Variants in MRPL35 observed in about 807,000 individuals in gnomAD.
MRPL35 encodes mitochondrial ribosomal protein L35.
MRPL35 carries 18 observed loss-of-function variants against 21.6 expected under a neutral mutation model. That is an observed-to-expected ratio of 0.83 (90% CI 0.58 to 1.24). The LOEUF (loss-of-function observed/expected upper bound fraction) is 1.24. Among genes scored for constraint, MRPL35 ranks in the 50% most tolerant of loss-of-function variants. MRPL35 has a pLI of 0.00. For synonymous variants in MRPL35, 87 were observed against 86.9 expected, an observed-to-expected ratio of 1.00 and a Z score of -0.01; for missense variants, 223 against 223.2, an observed-to-expected ratio of 1.00 and a Z score of 0.01.
Position 86,199,525 on chromosome 2 carries a change from C to G in MRPL35, c.35C>G (p.Ala12Gly). The G allele has an allele frequency of 6.2e-7, 1 of 1,614,152 alleles. No individual in the cohort carries two copies. Among genetic ancestry groups the G allele is most frequent in the Non-Finnish European group, 8.5e-7 (1 of 1,180,032 alleles). Residue 12 changes from alanine to glycine, a missense_variant, in exon 1 of 4, where the codon GCA becomes GGA. Physicochemically the swap from Ala to Gly is moderately conservative, Grantham distance 60 (BLOSUM62 0). Coordinates refer to ENST00000337109, the MANE Select transcript of MRPL35 (RefSeq NM_016622.4). The part of the protein sequence containing the change: ...AASAFAGAVR[A>G]ASGILRPLNI... Reference sequence around the variant, plus strand: ...TCTGCCTTTGCTGGTGCAGTGAGAGCAGCTTCAGGTCAGTGGAGAGCGACA... The same window carrying G: ...TCTGCCTTTGCTGGTGCAGTGAGAGGAGCTTCAGGTCAGTGGAGAGCGACA...
In MRPL35 at chr2:86,212,879, TTATG is replaced by T; in HGVS notation, c.*2215_*2218del. The T allele has an allele frequency of 3.4e-6, 3 of 875,290 alleles. No homozygotes were observed. Among genetic ancestry groups the T allele is most frequent in the Non-Finnish European group, 4.1e-6 (3 of 729,120 alleles). 54.2% of individuals were successfully genotyped at this position (875,290 alleles called of 1,614,324 possible). ...ATTATATGTATAATTTATAAAATAT[TTATG>T]TATAGTTTGTTTATTCAGGTATATG... On this transcript the variant is annotated 3_prime_UTR_variant, in exon 4 of 4. Coordinates refer to ENST00000337109, the MANE Select transcript of MRPL35 (RefSeq NM_016622.4).
In MRPL35 at chr2:86,199,533, G is replaced by A. The variant is rs1207127943; in HGVS notation, c.43G>A (p.Gly15Arg). 2 of 1,614,166 alleles carry A rather than the reference G, an allele frequency of 1.2e-6. No homozygotes were observed. Among genetic ancestry groups the A allele is most frequent in the Non-Finnish European group, 1.7e-6 (2 of 1,180,026 alleles). The change falls in exon 1 of 4, where the codon GGA (glycine) becomes AGA (arginine). Residue 15 changes from glycine (G) to arginine (R), a missense_variant and splice_region_variant. Physicochemically the swap from Gly to Arg is moderately radical, Grantham distance 125. Transcript: ENST00000337109. ...AFAGAVRAASGILRPLNILAS... is the reference protein window; with the variant it reads ...AFAGAVRAASRILRPLNILAS... The stretch of plus-strand genomic sequence containing the variant: ...TGCTGGTGCAGTGAGAGCAGCTTCA[G>A]GTCAGTGGAGAGCGACATACTCCAT...
rs1256485723 is a variant in MRPL35, at chr2:86,213,444, A to G, written c.*2776A>G. The G allele has an allele frequency of 3.8e-6, 5 of 1,302,820 alleles. No homozygotes were observed. Among genetic ancestry groups the G allele is most frequent in the African/African-American group, 1.5e-5 (1 of 65,338 alleles). The allele number at this position is 1,302,820 out of a possible 1,614,324, so 80.7% of individuals were successfully genotyped here. On this transcript the variant is annotated 3_prime_UTR_variant, in exon 4 of 4. Coordinates refer to ENST00000337109, the MANE Select transcript of MRPL35 (RefSeq NM_016622.4). ...TTATTTTACAGTGATTTTGTCAAAC[A>G]TAGAATACAGGACTAAAAATGCAAA...
intron 3 of MRPL35, 81 bp from the exon 4 acceptor site, chr2:86,210,399 G>A: frequency 1.8e-6 from 2 of 1,108,240 alleles, no homozygotes; most frequent in African/African-American, 1.6e-5. Context: ...TTCTTATTGG[G>A]TCTATAAACC....
chr2:86,208,055 T>G (rs1361748784), intron 3 of MRPL35, among the ~76,000 whole-genome samples: 1 of 152,236 alleles, frequency 6.6e-6, no homozygotes, highest in Non-Finnish European at 1.5e-5. Flanking sequence ...AAATAGTTGG[T>G]AGAACTTTCT....
In MRPL35 at chr2:86,212,659, A is replaced by G; in HGVS notation, c.*1991A>G. 3 of 1,280,330 alleles carry G rather than the reference A, an allele frequency of 2.3e-6. No homozygotes were observed. The highest frequency in any genetic ancestry group is 9.9e-7 in the Non-Finnish European group (1 of 1,013,802). The allele number at this position is 1,280,330 out of a possible 1,614,324, so 79.3% of individuals were successfully genotyped here. ...CTCTAGACCAGGGACAGGTGTAGAG[A>G]TAAGGACTGGCAACCAGAGCCTCAG... On this transcript the variant is annotated 3_prime_UTR_variant, in exon 4 of 4. Transcript: ENST00000337109.
Position 86,213,126 on chromosome 2 carries a change from C to G in MRPL35, c.*2458C>G, listed in dbSNP as rs947525466. The G allele has an allele frequency of 1.0e-6, 1 of 986,020 alleles. No individual in the cohort carries two copies. Among genetic ancestry groups the G allele is most frequent in the Non-Finnish European group, 1.2e-6 (1 of 830,348 alleles). 61.1% of individuals were successfully genotyped at this position (986,020 alleles called of 1,614,324 possible). A position where few individuals can be genotyped will look rare whatever the true frequency, so the allele number is the denominator to read the frequency against. On this transcript the variant is annotated 3_prime_UTR_variant, in exon 4 of 4. Transcript: ENST00000337109. ...GAATCTCAGTCTCACTCCTTGGGATCCTGTGTATTTCCCTGAGTCTTCTAA... is the reference window on the plus strand; with the variant it reads ...GAATCTCAGTCTCACTCCTTGGGATGCTGTGTATTTCCCTGAGTCTTCTAA...
chr2:86,213,659 C>G lies in MRPL35; in HGVS notation c.*2991C>G. On this transcript the variant is annotated 3_prime_UTR_variant, in exon 4 of 4. Transcript: ENST00000337109. ...CCCCATTTGCAGATGAAGAAATGTT[C>G]AGAGAAGAAAAATGATGGACCAAAC... 8 of 1,550,404 alleles carry G rather than the reference C, an allele frequency of 5.2e-6. No individual in the cohort carries two copies. The highest frequency in any genetic ancestry group is 7.0e-6 in the Non-Finnish European group (8 of 1,146,890).
intron 3 of MRPL35, among the ~76,000 whole-genome samples, chr2:86,208,028 G>T (rs1454597881): frequency 1.3e-5 from 2 of 152,110 alleles, no homozygotes; most frequent in African/African-American, 4.8e-5. Context: ...ATCAAAATTT[G>T]GTTCCCTGTA....
At position 86,212,400 on chromosome 2, in the gene MRPL35, GA is replaced by G; in HGVS notation, c.*1733del. The G allele has an allele frequency of 6.2e-7, 1 of 1,613,766 alleles. No individual in the cohort carries two copies. Among genetic ancestry groups the G allele is most frequent in the Non-Finnish European group, 8.5e-7 (1 of 1,179,838 alleles). On this transcript the variant is annotated 3_prime_UTR_variant, in exon 4 of 4. Transcript: ENST00000337109. ...CATGGAATGGCATTCTGTTTTGATG[GA>G]TTTTCATTTCTTCGCACTTCTGAGA... is the stretch of plus-strand genomic sequence containing the variant.
Position 86,213,277 on chromosome 2 carries a change from T to C in MRPL35, c.*2609T>C. 1.8e-5 allele frequency: 20 copies of C among 1,097,908 alleles called. No individual in the cohort carries two copies. Among genetic ancestry groups the C allele is most frequent in the Non-Finnish European group, 2.2e-5 (20 of 903,784 alleles). 68.0% of individuals were successfully genotyped at this position (1,097,908 alleles called of 1,614,324 possible). A position where few individuals can be genotyped will look rare whatever the true frequency, so the allele number is the denominator to read the frequency against. On this transcript the variant is annotated 3_prime_UTR_variant, in exon 4 of 4. Coordinates refer to ENST00000337109, the MANE Select transcript of MRPL35 (RefSeq NM_016622.4). The stretch of plus-strand genomic sequence containing the variant: ...ATTTTATTACTTTGCTTTCCTGTCC[T>C]TTGCCAACTCTTAACCTAGTTAATC...
Position 86,213,762 on chromosome 2 carries a change from T to A in MRPL35, c.*3094T>A, listed in dbSNP as rs1673964384. On this transcript the variant is annotated 3_prime_UTR_variant, in exon 4 of 4. Transcript: ENST00000337109. ...ACCTAGTTTCTGCCGATGATTTTTTTAAATGTGAAATAAACAGTGATACTT... is the reference window on the plus strand; with the variant it reads ...ACCTAGTTTCTGCCGATGATTTTTTAAAATGTGAAATAAACAGTGATACTT... 2 of 1,355,872 alleles carry A rather than the reference T, an allele frequency of 1.5e-6. No homozygotes were observed. Among genetic ancestry groups the A allele is most frequent in the Non-Finnish European group, 2.0e-6 (2 of 981,312 alleles). 84.0% of individuals were successfully genotyped at this position (1,355,872 alleles called of 1,614,324 possible). A position where few individuals can be genotyped will look rare whatever the true frequency, so the allele number is the denominator to read the frequency against.
intron 1 of MRPL35, among the ~76,000 whole-genome samples, chr2:86,201,205 A>G (rs1673679566): frequency 6.6e-6 from 1 of 152,234 alleles, no homozygotes; most frequent in Non-Finnish European, 1.5e-5. Context: ...GATATTGTCA[A>G]TAGATATTGT....
chr2:86,202,207 C>T (rs1435702247), intron 1 of MRPL35, among the ~76,000 whole-genome samples: 3 of 152,192 alleles, frequency 2.0e-5, no homozygotes, highest in Admixed American at 2.0e-4. Context: ...CTGCTCTCAA[C>T]CAAGATCCCA....
In MRPL35 at chr2:86,206,141, A is replaced by C; in HGVS notation, c.79A>C (p.Thr27Pro). 1.2e-6 allele frequency: 2 copies of C among 1,613,866 alleles called. No individual in the cohort carries two copies. The highest frequency in any genetic ancestry group is 1.7e-6 in the Non-Finnish European group (2 of 1,179,828). The change falls in exon 2 of 4, where the codon ACC (threonine) becomes CCC (proline). Residue 27 changes from threonine to proline, a missense_variant. By Grantham distance (38) the Thr-to-Pro change is conservative. Coordinates refer to ENST00000337109, the MANE Select transcript of MRPL35 (RefSeq NM_016622.4). Reference sequence around the variant, plus strand: ...GCCCCTGAATATTTTGGCATCTTCAACCTACCGCAACTGTGTCAAGAATGC... The same window carrying C: ...GCCCCTGAATATTTTGGCATCTTCACCCTACCGCAACTGTGTCAAGAATGC... ...LRPLNILASS[T>P]YRNCVKNASL...
Position 86,210,498 on chromosome 2 carries a change from T to A in MRPL35, c.397T>A (p.Leu133Ile), listed in dbSNP as rs751296332. 3 of 1,606,014 alleles carry A rather than the reference T, an allele frequency of 1.9e-6. No homozygotes were observed. The highest frequency in any genetic ancestry group is 2.5e-6 in the Non-Finnish European group (3 of 1,177,160). ...CTGACAGGCTGGCTATAAGAAAAAA[T>A]TATGGAAAAAGACACCTGCAAGGAA... ...VRRKAGYKKKLWKKTPARKKR... is the reference protein window; with the variant it reads ...VRRKAGYKKKIWKKTPARKKR... Residue 133 changes from leucine to isoleucine, a missense_variant, in exon 4 of 4, where the codon TTA becomes ATA. Leu to Ile is a conservative substitution (Grantham distance 5, BLOSUM62 2). Coordinates refer to ENST00000337109, the MANE Select transcript of MRPL35 (RefSeq NM_016622.4).
chr2:86,213,409 T>C lies in MRPL35; in HGVS notation c.*2741T>C. On this transcript the variant is annotated 3_prime_UTR_variant, in exon 4 of 4. Coordinates refer to ENST00000337109, the MANE Select transcript of MRPL35 (RefSeq NM_016622.4). ...AGTCCTCTGAATCTGCTTCTTTTCT[T>C]ACTGCTGCTTTATTTTACAGTGATT... The C allele has an allele frequency of 7.8e-7, 1 of 1,278,294 alleles. No homozygotes were observed. Among genetic ancestry groups the C allele is most frequent in the Non-Finnish European group, 9.9e-7 (1 of 1,012,780 alleles). 79.2% of individuals were successfully genotyped at this position (1,278,294 alleles called of 1,614,324 possible).
At chr2:86,203,170 C>G (rs1194719796) in intron 1 of MRPL35, among the ~76,000 whole-genome samples, 2 of 150,968 alleles carry the variant, frequency 1.3e-5, no homozygotes, top group East Asian at 3.9e-4. Flanking sequence ...AGCTCTGCCT[C>G]CCAGGTTCAC....
chr2:86,212,363 A>G lies in MRPL35; in HGVS notation c.*1695A>G. The G allele has an allele frequency of 6.2e-7, 1 of 1,613,120 alleles. No homozygotes were observed. ...ACAGACATTTGATTTGAGGTGAGGT[A>G]AAAGCCTGAAACATGGAATGGCATT... On this transcript the variant is annotated 3_prime_UTR_variant, in exon 4 of 4. Transcript: ENST00000337109.
Sources: gnomAD v4.1 joint callset for allele counts (sites outside exome capture counted in the v4.1 genomes callset) on GRCh38, gnomAD v4.1.1 for gene constraint, MANE v1.5 for transcripts, NCBI Gene and HGNC (gene_info 2026-07-23, HGNC 2026-07-21) for gene names.